The following DNAH8 variants were observed in gnomAD, a reference collection of about 807,000 sequenced individuals.
The protein encoded by DNAH8 is axonemal beta dynein heavy chain 8.
DNAH8 carries 382 observed loss-of-function variants against 562.1 expected under a neutral mutation model. The ratio of observed to expected loss-of-function variants is 0.68; its 90% confidence interval spans 0.63 to 0.74. The LOEUF (loss-of-function observed/expected upper bound fraction) is 0.74, where lower values mean the gene tolerates loss of function less well. Among genes scored for constraint, DNAH8 ranks in the 30% least tolerant of loss-of-function variants. DNAH8 has a pLI of 0.00. For synonymous variants in DNAH8, 1,881 were observed against 1,919.4 expected, an observed-to-expected ratio of 0.98 and a Z score of 0.52; for missense variants, 5,203 against 5,620.4, an observed-to-expected ratio of 0.93 and a Z score of 2.37.
At chr6:38,900,049 A>T in intron 62 of DNAH8, 143 bp downstream of exon 62, 1 of 654,600 alleles carries the variant, frequency 1.5e-6, no homozygotes, top group Non-Finnish European at 2.3e-6. Flanking sequence ...ATATTTACGC[A>T]AGTGTCACAA....
intron 57 of DNAH8, among the ~76,000 whole-genome samples, chr6:38,888,470 A>C (rs192929838): frequency 6.6e-6 from 1 of 152,330 alleles, no homozygotes; most frequent in African/African-American, 2.4e-5. Flanking sequence ...TGGAAGAAAA[A>C]ATTTTAACAC....
chr6:38,715,960 ATT>A lies in DNAH8; in HGVS notation c.-35+560_-35+561del, dbSNP rs869120118. On this transcript the variant is annotated intron_variant, in intron 1 of 92. Coordinates refer to ENST00000327475, the MANE Select transcript of DNAH8 (RefSeq NM_001206927.2). ...TATATATATATATATATATATATAT[ATT>A]TTTTTTTTTTTTTTGAGACGGAGTC... 4.2e-3 allele frequency among the ~76,000 whole-genome samples: 99 copies of A among 23,616 alleles called. 3 individuals carry two copies. The highest frequency in any genetic ancestry group is 4.7e-3 in the Non-Finnish European group (75 of 16,038). The allele number at this position is 23,616 out of a possible 152,430, so 15.5% of individuals were successfully genotyped here.
rs1762940496 is a variant in DNAH8 at position 38,723,390 on chromosome 6, C to T, written c.444C>T (p.Tyr148=). The change falls in exon 3 of 93, where the codon TAC becomes TAT. Residue 148 remains tyrosine (Y), a synonymous_variant. Coordinates refer to ENST00000327475, the MANE Select transcript of DNAH8 (RefSeq NM_001206927.2). Reference sequence around the variant, plus strand: ...GAAGACTGAAAATTGACCCTTCATACAAATATATATTTGAAATTCTAGCAG... The same window carrying T: ...GAAGACTGAAAATTGACCCTTCATATAAATATATATTTGAAATTCTAGCAG... The part of the protein sequence containing the change: ...ESRRLKIDPS[Y]KYIFEILAEN... 1 of 1,612,360 alleles carries T rather than the reference C, an allele frequency of 6.2e-7. No homozygotes were observed. Among genetic ancestry groups the T allele is most frequent in the Non-Finnish European group, 8.5e-7 (1 of 1,179,780 alleles).
At chr6:38,937,903 TCAGAAGAGA>T in intron 77 of DNAH8, 62 bp from the exon 78 acceptor site, 2 of 1,531,678 alleles carry the variant, frequency 1.3e-6, no homozygotes, top group Admixed American at 2.1e-5. Context: ...TTTTTTTTTT[TCAGAAGAGA>T]TGTATCTTGC....
At chr6:38,950,088 G>A (rs1033974839) in intron 81 of DNAH8, among the ~76,000 whole-genome samples, 3 of 152,050 alleles carry the variant, frequency 2.0e-5, no homozygotes, top group Non-Finnish European at 4.4e-5. Context: ...TGAAATTGAT[G>A]TTAAAGAAGA....
intron 10 of DNAH8, among the ~76,000 whole-genome samples, chr6:38,758,380 T>TATCCTGAGACTTTGC (rs1262980958): frequency 6.6e-6 from 1 of 151,944 alleles, no homozygotes; most frequent in Non-Finnish European, 1.5e-5. Context: ...ATTGATTTTG[T>TATCCTGAGACTTTGC]ATCCTGAGAC....
intron 58 of DNAH8, among the ~76,000 whole-genome samples, chr6:38,891,201 C>T (rs747673186): frequency 2.0e-5 from 3 of 152,134 alleles, no homozygotes; most frequent in Non-Finnish European, 4.4e-5. Flanking sequence ...TGAGCAGGAG[C>T]GTGAGTTAGT....
intron 1 of DNAH8, among the ~76,000 whole-genome samples, chr6:38,715,948 ATATATATATATAT>A (rs1305914552): frequency 3.5e-5 from 1 of 28,220 alleles, no homozygotes; most frequent in Non-Finnish European, 5.8e-5. Flanking sequence ...ATATATATAT[ATATATATATATAT>A]TTTTTTTTTT....
rs529745077 is a variant in DNAH8 at position 38,849,966 on chromosome 6, T to G, written c.5200-285T>G. Among the ~76,000 whole-genome samples, 10 of 152,310 alleles carry G rather than the reference T, an allele frequency of 6.6e-5. No individual in the cohort carries two copies. In the East Asian group the frequency reaches 1.7e-3, roughly 26 times the overall value. Reference sequence around the variant, plus strand: ...TAGATTGGAACTTTAAGTTGATAGCTCTGCAAATTAATCATGTGGTACTTT... The same window carrying G: ...TAGATTGGAACTTTAAGTTGATAGCGCTGCAAATTAATCATGTGGTACTTT... On this transcript the variant is annotated intron_variant, in intron 37 of 92. Coordinates refer to ENST00000327475, the MANE Select transcript of DNAH8 (RefSeq NM_001206927.2).
chr6:38,836,587 G>A (rs1419016450), intron 32 of DNAH8, among the ~76,000 whole-genome samples: 1 of 150,816 alleles, frequency 6.6e-6, no homozygotes, highest in Admixed American at 6.6e-5. Context: ...CCTGTCTCTC[G>A]AGGTGTGAGC....
At chr6:38,943,995 G>A (rs907968015) in intron 79 of DNAH8, among the ~76,000 whole-genome samples, 2 of 152,180 alleles carry the variant, frequency 1.3e-5, no homozygotes, top group Non-Finnish European at 2.9e-5. Flanking sequence ...GGGGGAATAG[G>A]AAGGGCTGTC....
intron 12 of DNAH8, 23 bp downstream of exon 12, chr6:38,770,582 A>AC: frequency 6.4e-7 from 1 of 1,552,222 alleles, no homozygotes; most frequent in South Asian, 1.3e-5. Flanking sequence ...CAGTCATCGT[A>AC]CCCCACTCCA....
chr6:38,914,307 T>TA (rs1781125681), intron 67 of DNAH8, among the ~76,000 whole-genome samples: 2 of 151,280 alleles, frequency 1.3e-5, no homozygotes. Context: ...GAAGAGTTGG[T>TA]AGAGTTTTTT....
At chr6:38,789,486 A>G (rs931377672) in intron 18 of DNAH8, among the ~76,000 whole-genome samples, 1 of 152,234 alleles carries the variant, frequency 6.6e-6, no homozygotes, top group African/African-American at 2.4e-5. Flanking sequence ...AAGATAAGGA[A>G]CAAAAGAGGA....
At chr6:38,780,167 T>C (rs1768442380) in intron 15 of DNAH8, 102 bp downstream of exon 15, 17 of 1,126,424 alleles carry the variant, frequency 1.5e-5, no homozygotes, top group Non-Finnish European at 2.0e-5. Flanking sequence ...TTCAGAGTGA[T>C]TCTTTCTCTG....
rs542793863 is a variant in DNAH8 at position 38,951,586 on chromosome 6, C to T, written c.12451+66C>T. Reference sequence around the variant, plus strand: ...TTTTTTTGCCCCAAATTTTGCCTTTCGTAATTTTATAACTGATTCTTAGAA... The same window carrying T: ...TTTTTTTGCCCCAAATTTTGCCTTTTGTAATTTTATAACTGATTCTTAGAA... On this transcript the variant is annotated intron_variant, in intron 82 of 92. Transcript: ENST00000327475. 9.6e-5 allele frequency: 133 copies of T among 1,385,902 alleles called. No homozygotes were observed. The East Asian group carries it at 1.9e-3, about 20-fold the overall frequency. The allele number at this position is 1,385,902 out of a possible 1,614,324, so 85.9% of individuals were successfully genotyped here. A position where few individuals can be genotyped will look rare whatever the true frequency, so the allele number is the denominator to read the frequency against.
At chr6:38,759,315 AAAC>A (rs1766257377) in intron 10 of DNAH8, among the ~76,000 whole-genome samples, 1 of 101,394 alleles carries the variant, frequency 9.9e-6, no homozygotes, top group Non-Finnish European at 2.3e-5. Context: ...CTCAAAAAAC[AAAC>A]AAACAAACAA....
intron 87 of DNAH8, among the ~76,000 whole-genome samples, chr6:38,987,654 C>T (rs978305328): frequency 5.3e-5 from 8 of 152,184 alleles, no homozygotes; most frequent in Non-Finnish European, 4.4e-5. Context: ...CTCATTCCCT[C>T]CCCCTCTCTC....
At chr6:38,755,793 T>A (rs1187146259) in intron 9 of DNAH8, among the ~76,000 whole-genome samples, 179 bp from the exon 10 acceptor site, 2 of 152,216 alleles carry the variant, frequency 1.3e-5, no homozygotes, top group African/African-American at 4.8e-5. Flanking sequence ...TCAAAACTAA[T>A]GTCCTGTTAT....
Sources: gnomAD v4.1 joint callset for allele counts (sites outside exome capture counted in the v4.1 genomes callset) on GRCh38, gnomAD v4.1.1 for gene constraint, MANE v1.5 for transcripts, NCBI Gene and HGNC (gene_info 2026-07-23, HGNC 2026-07-21) for gene names.